The following RAPGEF1 variants were observed in gnomAD, a reference collection of about 807,000 sequenced individuals.
The protein encoded by RAPGEF1 is Rap guanine nucleotide exchange factor 1.
A neutral mutation model predicts 143.3 loss-of-function variants in RAPGEF1; 33 were observed. That is an observed-to-expected ratio of 0.23 (90% CI 0.17 to 0.31). The LOEUF is 0.31. Ranked by LOEUF, RAPGEF1 falls within the 10% of genes least tolerant of loss-of-function variation. RAPGEF1 has a pLI of 1.00. For missense variants in RAPGEF1, 1,199 were observed against 1,645.4 expected (o/e 0.73, Z 4.69); for synonymous variants, 629 against 676.5 (o/e 0.93, Z 1.09).
rs1267761747 is a variant in RAPGEF1 at position 131,625,972 on chromosome 9, G to A, written c.1652C>T (p.Thr551Ile). 6.3e-7 allele frequency: 1 copy of A among 1,597,306 alleles called. No homozygotes were observed. Among genetic ancestry groups the A allele is most frequent in the Admixed American group, 1.7e-5 (1 of 59,600 alleles). Reference protein sequence around the residue: ...FVGDFTAPESTGDPEKPPPLP... With the variant: ...FVGDFTAPESIGDPEKPPPLP... ...AGGAGGTGGTTTTTCTGGGTCACCG[G>A]TTGACTCAGGAGCAGTAAAATCACC... Residue 551 changes from threonine (T) to isoleucine (I), a missense_variant, in exon 10 of 27, where the codon ACC becomes ATC. Transcript: ENST00000683357.
At chr9:131,620,473 G>A (rs1320082367) in intron 11 of RAPGEF1, among the ~76,000 whole-genome samples, 1 of 152,154 alleles carries the variant, frequency 6.6e-6, no homozygotes, top group East Asian at 1.9e-4. Flanking sequence ...TGTTTCCATG[G>A]TGGGACCCTT....
intron 1 of RAPGEF1, among the ~76,000 whole-genome samples, chr9:131,657,092 AG>A (rs1972676074): frequency 6.6e-6 from 1 of 152,342 alleles, no homozygotes; most frequent in South Asian, 2.1e-4. Flanking sequence ...CACAGGCTTC[AG>A]GTGATTCTCA....
chr9:131,734,214 G>C (rs2131353976), intron 1 of RAPGEF1, among the ~76,000 whole-genome samples: 1 of 152,288 alleles, frequency 6.6e-6, no homozygotes, highest in South Asian at 2.1e-4. Flanking sequence ...AGGCAAGAAA[G>C]GGGGCCGGTT....
At position 131,628,611 on chromosome 9, in the gene RAPGEF1, C is replaced by G. The variant is rs759346484; in HGVS notation, c.955G>C (p.Val319Leu). 6.2e-7 allele frequency: 1 copy of G among 1,613,352 alleles called. No homozygotes were observed. Among genetic ancestry groups the G allele is most frequent in the Non-Finnish European group, 8.5e-7 (1 of 1,179,350 alleles). Residue 319 changes from valine (V) to leucine (L), a missense_variant, in exon 8 of 27, where the codon GTG becomes CTG. Around this residue, in one of 6 missense-constraint regions of RAPGEF1, gnomAD observed 613 missense variants for 710.9 expected, o/e 0.86. Coordinates refer to ENST00000683357, the MANE Select transcript of RAPGEF1 (RefSeq NM_001377935.1). The surrounding 1 kb of genome is among the most constrained non-coding windows in gnomAD (Gnocchi z 5.7). ...GTGGCTCGGCTCATGGGGGCCACCA[C>G]AGCCACTCGGGTAGGGGACGGCGCC... ...QSAPSPTRVA[V>L]VAPMSRATSG...
intron 1 of RAPGEF1, among the ~76,000 whole-genome samples, chr9:131,716,904 C>A (rs1835901652): frequency 6.6e-6 from 1 of 152,238 alleles, no homozygotes; most frequent in Admixed American, 6.5e-5. Flanking sequence ...TCATCTCCCA[C>A]TTCCTCACAC....
chr9:131,739,748 C>T, intron 1 of RAPGEF1, 22 bp downstream of exon 1: 2 of 1,131,500 alleles, frequency 1.8e-6, no homozygotes, highest in South Asian at 2.2e-5. Flanking sequence ...CCGGAGGGAG[C>T]CGCCCCACGC....
Position 131,638,524 on chromosome 9 carries a change from A to G in RAPGEF1, c.651+111T>C, listed in dbSNP as rs1588664874. ...TAGAGCGCACCAACACCAGAGACGC[A>G]GAAAGACATTCTAATGTTTGAAGGT... On this transcript the variant is annotated intron_variant, in intron 5 of 26. Coordinates refer to ENST00000683357, the MANE Select transcript of RAPGEF1 (RefSeq NM_001377935.1). The G allele has an allele frequency of 3.2e-6, 4 of 1,262,060 alleles. No homozygotes were observed. In the African/African-American group the frequency reaches 4.5e-5, roughly 14 times the overall value. 78.2% of individuals were successfully genotyped at this position (1,262,060 alleles called of 1,614,324 possible).
chr9:131,681,268 G>A (rs1347717803), intron 1 of RAPGEF1, among the ~76,000 whole-genome samples: 6 of 152,192 alleles, frequency 3.9e-5, no homozygotes, highest in East Asian at 1.9e-4. Flanking sequence ...GACACTGGGC[G>A]AAAATTAGTT....
At chr9:131,706,998 T>A (rs1835121166) in intron 1 of RAPGEF1, among the ~76,000 whole-genome samples, 2 of 152,264 alleles carry the variant, frequency 1.3e-5, no homozygotes, top group Non-Finnish European at 2.9e-5. Flanking sequence ...TGTCTGTCTG[T>A]ATACCCAGCT....
intron 1 of RAPGEF1, among the ~76,000 whole-genome samples, chr9:131,683,375 T>TC (rs1833076908): frequency 6.6e-6 from 1 of 152,204 alleles, no homozygotes; most frequent in Admixed American, 6.5e-5. Context: ...TCCAACATTT[T>TC]CCCCTTGGAA....
chr9:131,721,185 C>T (rs755641873), intron 1 of RAPGEF1, among the ~76,000 whole-genome samples: 7 of 152,128 alleles, frequency 4.6e-5, no homozygotes, highest in Non-Finnish European at 1.0e-4. Flanking sequence ...CTCTCCAGTG[C>T]GAATTTGTGG....
rs1951432043 is a variant in RAPGEF1, at chr9:131,578,448, C to T, written c.*1049G>A. 1.3e-5 allele frequency: 2 copies of T among 152,374 alleles called. No individual in the cohort carries two copies. Among genetic ancestry groups the T allele is most frequent in the African/African-American group, 4.8e-5 (2 of 41,452 alleles). The allele number at this position is 152,374 out of a possible 1,614,324, so 9.4% of individuals were successfully genotyped here. Reference sequence around the variant, plus strand: ...GTGCCTCAGGGATGCCCTTCCCTCCCAGGGGCACTGACAGCACTGGCTGAA... The same window carrying T: ...GTGCCTCAGGGATGCCCTTCCCTCCTAGGGGCACTGACAGCACTGGCTGAA... On this transcript the variant is annotated 3_prime_UTR_variant, in exon 27 of 27. Coordinates refer to ENST00000683357, the MANE Select transcript of RAPGEF1 (RefSeq NM_001377935.1).
chr9:131,625,996 C>T lies in RAPGEF1; in HGVS notation c.1628G>A (p.Gly543Asp). The change falls in exon 10 of 27, where the codon GGT becomes GAT. Residue 543 changes from glycine to aspartate, a missense_variant. Gly to Asp is a moderately conservative substitution (Grantham distance 94). This residue lies in a region of RAPGEF1 where 613 missense variants were observed against 710.9 expected (regional missense o/e 0.86). Coordinates refer to ENST00000683357, the MANE Select transcript of RAPGEF1 (RefSeq NM_001377935.1). ...GGSSAPVEFV[G>D]DFTAPESTGD... ...GGTTGACTCAGGAGCAGTAAAATCA[C>T]CCACAAATTCGACAGGGGCTGAGGA... 6.2e-7 allele frequency: 1 copy of T among 1,609,344 alleles called. No homozygotes were observed. The highest frequency in any genetic ancestry group is 8.5e-7 in the Non-Finnish European group (1 of 1,175,892).
intron 18 of RAPGEF1, 104 bp from the exon 19 acceptor site, chr9:131,590,082 T>G: frequency 3.0e-6 from 3 of 994,668 alleles, no homozygotes; most frequent in Non-Finnish European, 1.6e-6. Context: ...TGTGCCCATC[T>G]TCCTGCATGT....
At chr9:131,682,191 G>C (rs112037215) in intron 1 of RAPGEF1, among the ~76,000 whole-genome samples, 114 of 152,324 alleles carry the variant, frequency 7.5e-4, no homozygotes, top group African/African-American at 2.5e-3. Context: ...AGCGAGTCAG[G>C]CTGCCAGATA....
chr9:131,599,702 A>G (rs1955951220), intron 15 of RAPGEF1, among the ~76,000 whole-genome samples: 1 of 152,104 alleles, frequency 6.6e-6, no homozygotes, highest in South Asian at 2.1e-4. Context: ...GGAGAGTGGA[A>G]GCTGGGCCTA....
At chr9:131,737,403 A>C (rs1255803723) in intron 1 of RAPGEF1, 24 of 1,613,080 alleles carry the variant, frequency 1.5e-5, no homozygotes, top group Non-Finnish European at 2.0e-5. Context: ...CCCCTCTCTC[A>C]CCTGTGTCCA....
rs1469784213 is a variant in RAPGEF1 at position 131,621,814 on chromosome 9, G to A, written c.1887C>T (p.Pro629=). Residue 629 remains proline, a synonymous_variant, in exon 11 of 27, where the codon CCC becomes CCT. Coordinates refer to ENST00000683357, the MANE Select transcript of RAPGEF1 (RefSeq NM_001377935.1). This position sits in a 1 kb window ranked among gnomAD's most constrained non-coding sequence, Gnocchi z 4.5. The part of the protein sequence containing the change: ...VQELAPPPAL[P]PKQRQLASCA... Reference sequence around the variant, plus strand: ...CACTCACCAGCTGCCGCTGCTTGGGGGGTAGGGCGGGCGGCGGGGCCAGCT... The same window carrying A: ...CACTCACCAGCTGCCGCTGCTTGGGAGGTAGGGCGGGCGGCGGGGCCAGCT... 2 of 1,607,704 alleles carry A rather than the reference G, an allele frequency of 1.2e-6. No homozygotes were observed. Among genetic ancestry groups the A allele is most frequent in the African/African-American group, 1.3e-5 (1 of 74,806 alleles).
At chr9:131,721,556 C>G (rs958307816) in intron 1 of RAPGEF1, among the ~76,000 whole-genome samples, 6 of 152,202 alleles carry the variant, frequency 3.9e-5, no homozygotes, top group Admixed American at 2.0e-4. Flanking sequence ...TTCCAGGCAT[C>G]TATTGCCACC....
Sources: allele counts gnomAD v4.1 joint callset (sites outside exome capture counted in the v4.1 genomes callset), GRCh38; gene constraint gnomAD v4.1.1; regional missense constraint gnomAD v4.1.1; non-coding constraint Gnocchi (gnomAD v3.1); transcripts MANE v1.5; gene names NCBI Gene and HGNC (gene_info 2026-07-23, HGNC 2026-07-21).